Variants in SYT1 observed in about 807,000 individuals in gnomAD.
The protein encoded by SYT1 is synaptotagmin 1.
SYT1 carries 8 observed loss-of-function variants against 44.8 expected under a neutral mutation model. The observed-to-expected ratio is 0.18, with a 90% CI of 0.10 to 0.32. The LOEUF (loss-of-function observed/expected upper bound fraction) is 0.32, where lower values mean the gene tolerates loss of function less well. SYT1 is among the 10% of genes least tolerant of loss of function. SYT1 has a pLI of 1.00. For missense variants in SYT1, 286 were observed against 509.3 expected (o/e 0.56, Z 4.22); for synonymous variants, 154 against 188.8 (o/e 0.82, Z 1.51).
At chr12:79,125,766 A>G (rs1868399818) in intron 3 of SYT1, among the ~76,000 whole-genome samples, 2 of 152,200 alleles carry the variant, frequency 1.3e-5, no homozygotes, top group South Asian at 4.1e-4. Context: ...ACATTCCTGA[A>G]TAAATAACAT....
chr12:79,120,702 T>C (rs543593223), intron 3 of SYT1, among the ~76,000 whole-genome samples: 1 of 152,254 alleles, frequency 6.6e-6, no homozygotes, highest in South Asian at 2.1e-4. Context: ...CAAAAAGTTA[T>C]ATGATGTTTC....
At chr12:79,408,119 G>A (rs1264087925) in intron 9 of SYT1, among the ~76,000 whole-genome samples, 31 of 152,134 alleles carry the variant, frequency 2.0e-4, no homozygotes, top group Non-Finnish European at 1.3e-4. Flanking sequence ...GAGCTACTCT[G>A]AACAGGAGAT....
chr12:78,946,486 C>T (rs1477885861), intron 1 of SYT1, among the ~76,000 whole-genome samples: 1 of 152,104 alleles, frequency 6.6e-6, no homozygotes, highest in African/African-American at 2.4e-5. Flanking sequence ...AAAACTGCAT[C>T]TTTACTAAAA....
At chr12:79,039,057 T>C (rs2137710329) in intron 2 of SYT1, among the ~76,000 whole-genome samples, 1 of 152,174 alleles carries the variant, frequency 6.6e-6, no homozygotes, top group Non-Finnish European at 1.5e-5. Context: ...TATTTGTATA[T>C]TTCTGATGCC....
chr12:78,980,386 G>A (rs1390148483), intron 2 of SYT1, among the ~76,000 whole-genome samples: 1 of 152,172 alleles, frequency 6.6e-6, no homozygotes, highest in Non-Finnish European at 1.5e-5. Context: ...TCTTAGGTTT[G>A]TAGGTTAACT....
Position 79,191,756 on chromosome 12 carries a change from A to G in SYT1, c.-17-25747A>G, listed in dbSNP as rs1045155306. Among the ~76,000 whole-genome samples, 69 of 152,114 alleles carry G rather than the reference A, an allele frequency of 4.5e-4. 1 individual carries two copies. The highest frequency in any genetic ancestry group is 1.8e-4 in the Non-Finnish European group (12 of 68,020). On this transcript the variant is annotated intron_variant, in intron 3 of 10. Transcript: ENST00000261205. The stretch of plus-strand genomic sequence containing the variant: ...TTGCTATGCTTCAGGGACTTCACAC[A>G]TACATAACATCTCCTTTAATCCTCA...
At chr12:79,440,447 T>C (rs905330817) in intron 9 of SYT1, among the ~76,000 whole-genome samples, 1 of 152,102 alleles carries the variant, frequency 6.6e-6, no homozygotes, top group Non-Finnish European at 1.5e-5. Flanking sequence ...ATCCATACAG[T>C]TACAGAGATA....
At chr12:78,918,750 AG>A (rs1876812414) in intron 1 of SYT1, among the ~76,000 whole-genome samples, 2 of 152,200 alleles carry the variant, frequency 1.3e-5, no homozygotes, top group South Asian at 4.1e-4. Context: ...GGGTAGAAAA[AG>A]GATACGTCCT....
chr12:79,268,232 G>A (rs980429307), intron 4 of SYT1, among the ~76,000 whole-genome samples: 4 of 152,098 alleles, frequency 2.6e-5, no homozygotes, highest in African/African-American at 4.8e-5. Context: ...TGACAGTTGA[G>A]TTTATGGGCA....
At chr12:79,201,137 G>C (rs992686610) in intron 3 of SYT1, among the ~76,000 whole-genome samples, 4 of 152,024 alleles carry the variant, frequency 2.6e-5, no homozygotes, top group African/African-American at 9.7e-5. Context: ...GATCTGTAGT[G>C]GAACACCCAT....
chr12:79,340,820 C>T (rs1022020747), intron 8 of SYT1, among the ~76,000 whole-genome samples: 4 of 152,128 alleles, frequency 2.6e-5, no homozygotes, highest in African/African-American at 7.2e-5. Context: ...ATTTCAAGTA[C>T]CTCAGCACAC....
chr12:79,344,348 A>G (rs908044363), intron 8 of SYT1, among the ~76,000 whole-genome samples: 2 of 152,230 alleles, frequency 1.3e-5, no homozygotes, highest in Admixed American at 6.5e-5. Flanking sequence ...CCTGGCACAG[A>G]GGAGGTACCC....
chr12:78,949,477 T>TTAA (rs35755623), intron 1 of SYT1, among the ~76,000 whole-genome samples: 7,494 of 144,034 alleles, frequency 0.052, 211 homozygotes, highest in Admixed American at 0.093. Flanking sequence ...TATAGCTCAT[T>TTAA]AAAAAAAAAA....
intron 3 of SYT1, among the ~76,000 whole-genome samples, chr12:79,051,313 TA>T (rs1233109043): frequency 6.7e-6 from 1 of 150,206 alleles, no homozygotes; most frequent in Non-Finnish European, 1.5e-5. Flanking sequence ...CCTTTATAAA[TA>T]AATATATATA....
intron 9 of SYT1, among the ~76,000 whole-genome samples, chr12:79,383,538 AAAAAC>A (rs939823719): frequency 1.4e-4 from 17 of 117,484 alleles, no homozygotes; most frequent in Admixed American, 5.9e-4. Flanking sequence ...TTTTTTTCCT[AAAAAC>A]AAAACAAAAG....
chr12:78,988,934 T>C (rs1869837491), intron 2 of SYT1, among the ~76,000 whole-genome samples: 1 of 152,168 alleles, frequency 6.6e-6, no homozygotes. Context: ...CCAGAGTTGG[T>C]AATTTTGATT....
At position 79,064,972 on chromosome 12, in the gene SYT1, G is replaced by GAAAGAA. The variant is rs1286355475; in HGVS notation, c.-18+17612_-18+17617dup. On this transcript the variant is annotated intron_variant, in intron 3 of 10. Transcript: ENST00000261205. ...AGAAAGAAAGAAAGAAAGAAAGAAA[G>GAAAGAA]AAAGAAAGAAAGAAAGAAAGAAAGA... Among the ~76,000 whole-genome samples, 6 of 148,334 alleles carry GAAAGAA rather than the reference G, an allele frequency of 4.0e-5. No homozygotes were observed. The South Asian group carries it at 9.1e-4, about 23-fold the overall frequency.
Position 79,441,874 on chromosome 12 carries a change from T to C in SYT1, c.929-2199T>C, listed in dbSNP as rs1313606506. ...TACAGCCAAATGACTGGTTCTTTCT[T>C]GTCTTTCAGTTCTTGGCTAAAATGT... On this transcript the variant is annotated intron_variant, in intron 9 of 10. Transcript: ENST00000261205. Among the ~76,000 whole-genome samples, 4 of 152,346 alleles carry C rather than the reference T, an allele frequency of 2.6e-5. No homozygotes were observed. In the East Asian group the frequency reaches 7.7e-4, roughly 29 times the overall value.
intron 3 of SYT1, among the ~76,000 whole-genome samples, chr12:79,099,142 G>A (rs908945886): frequency 6.6e-6 from 1 of 152,042 alleles, no homozygotes; most frequent in Non-Finnish European, 1.5e-5. Flanking sequence ...CTAAATAAAG[G>A]CAATGCAGCC....
Sources: gnomAD v4.1 joint callset for allele counts (sites outside exome capture counted in the v4.1 genomes callset) on GRCh38, gnomAD v4.1.1 for gene constraint, MANE v1.5 for transcripts, NCBI Gene and HGNC (gene_info 2026-07-23, HGNC 2026-07-21) for gene names.